Variants in GPHN observed in about 807,000 individuals in gnomAD.
GPHN encodes the protein gephyrin.
GPHN carries 17 observed loss-of-function variants against 95.5 expected under a neutral mutation model. That is an observed-to-expected ratio of 0.18 (90% confidence interval 0.12 to 0.27). The LOEUF (loss-of-function observed/expected upper bound fraction) is 0.27. GPHN is among the 10% of genes least tolerant of loss of function. GPHN has a pLI of 1.00. For synonymous variants in GPHN, 320 were observed against 322.5 expected (o/e 0.99, Z 0.08); for missense variants, 660 against 978.1 (o/e 0.67, Z 4.34).
At chr14:67,697,454 G>A in the GPHN span, among the ~76,000 whole-genome samples, 1 of 152,366 alleles carries the variant, frequency 6.6e-6, no homozygotes, top group African/African-American at 2.4e-5. Flanking sequence ...ACCGTCTAGG[G>A]AGAAGGGAGA....
the GPHN span, among the ~76,000 whole-genome samples, chr14:67,720,315 A>G: frequency 6.6e-6 from 1 of 152,076 alleles, no homozygotes; most frequent in Non-Finnish European, 1.5e-5. Context: ...TGTTATGAAT[A>G]TTTCCCCCCA....
chr14:66,907,735 G>A (rs537876618), intron 5 of GPHN, among the ~76,000 whole-genome samples: 1 of 152,192 alleles, frequency 6.6e-6, no homozygotes. Flanking sequence ...AAAAGCAACT[G>A]CACATAAGCG....
the GPHN span, among the ~76,000 whole-genome samples, chr14:67,535,370 CTTTTTTTTTTTT>C: frequency 1.3e-5 from 1 of 74,192 alleles, no homozygotes; most frequent in Non-Finnish European, 2.4e-5. Flanking sequence ...GTGAGCACAT[CTTTTTTTTTTTT>C]TTTTTTTTTT....
At chr14:66,676,986 G>A (rs2153390610) in intron 1 of GPHN, among the ~76,000 whole-genome samples, 1 of 151,868 alleles carries the variant, frequency 6.6e-6, no homozygotes, top group South Asian at 2.1e-4. Flanking sequence ...ATCTGCTCAG[G>A]TTTTCTATTT....
At chr14:67,369,852 G>C in the GPHN span, among the ~76,000 whole-genome samples, 1 of 152,180 alleles carries the variant, frequency 6.6e-6, no homozygotes, top group African/African-American at 2.4e-5. Context: ...GCTGAGACCA[G>C]CTCTGTTGGG....
chr14:67,347,080 C>T, the GPHN span, among the ~76,000 whole-genome samples: 1 of 152,082 alleles, frequency 6.6e-6, no homozygotes, highest in African/African-American at 2.4e-5. Context: ...ACCTCCCCAG[C>T]TCAAGCAATC....
At chr14:67,625,476 C>T in the GPHN span, among the ~76,000 whole-genome samples, 34,015 of 151,428 alleles carry the variant, frequency 0.22, 4,715 homozygotes, top group East Asian at 0.3. Context: ...GTCAGGAGTT[C>T]GAGACCAGCC....
At chr14:67,729,410 C>G in the GPHN span, 25 of 1,588,584 alleles carry the variant, frequency 1.6e-5, no homozygotes, top group Non-Finnish European at 2.0e-5. Flanking sequence ...TTCTCTCCAC[C>G]ACCTGTGTGC....
downstream of GPHN, among the ~76,000 whole-genome samples, chr14:67,185,918 G>T (rs984744548): frequency 2.6e-5 from 4 of 152,184 alleles, no homozygotes; most frequent in African/African-American, 9.7e-5. Flanking sequence ...TGTATGTCTT[G>T]TATTCCAATG....
chr14:67,474,767 TGAATTTGACTACTCTG>T, the GPHN span, among the ~76,000 whole-genome samples: 2 of 152,188 alleles, frequency 1.3e-5, no homozygotes, highest in African/African-American at 4.8e-5. Flanking sequence ...TCTGTCTCTA[TGAATTTGACTACTCTG>T]GGTGCCTCAT....
intron 5 of GPHN, among the ~76,000 whole-genome samples, chr14:66,899,622 G>T (rs1314070322): frequency 1.3e-5 from 2 of 151,726 alleles, no homozygotes; most frequent in Non-Finnish European, 2.9e-5. Context: ...AAACCCACTT[G>T]GTCCTAGTAT....
chr14:67,580,071 T>C, the GPHN span: 2 of 571,420 alleles, frequency 3.5e-6, no homozygotes, highest in Non-Finnish European at 3.1e-6. Context: ...TGTGTGCCCT[T>C]GTCTCTGGAG....
intron 1 of GPHN, among the ~76,000 whole-genome samples, chr14:66,607,630 A>G (rs943064026): frequency 6.6e-6 from 1 of 151,466 alleles, no homozygotes; most frequent in Non-Finnish European, 1.5e-5. Flanking sequence ...CTTCTAGTCC[A>G]TGGCTTTTTT....
At chr14:67,372,963 TC>T in the GPHN span, among the ~76,000 whole-genome samples, 1 of 152,174 alleles carries the variant, frequency 6.6e-6, no homozygotes, top group Non-Finnish European at 1.5e-5. Flanking sequence ...ATGTTGAACA[TC>T]ATTAGTCATT....
chr14:67,720,192 C>T, the GPHN span, among the ~76,000 whole-genome samples: 8 of 152,286 alleles, frequency 5.3e-5, no homozygotes, highest in East Asian at 1.5e-3. Flanking sequence ...TGAAGAGCCA[C>T]TTGTATTTCC....
Position 66,715,719 on chromosome 14 carries a change from C to T in GPHN, c.143+34534C>T, listed in dbSNP as rs138615802. On this transcript the variant is annotated intron_variant, in intron 2 of 22. Transcript: ENST00000478722. ...GTTCAAATAATTTTTAAATTTCCAT[C>T]TTGATTATATTTTTGACCCAGTGAT... is the stretch of plus-strand genomic sequence containing the variant. Among the ~76,000 whole-genome samples the T allele has an allele frequency of 3.8e-3, 583 of 152,170 alleles. 9 individuals are homozygous for T. Among genetic ancestry groups the T allele is most frequent in the Admixed American group, 0.034 (519 of 15,270 alleles).
At chr14:66,877,364 A>G (rs991793619) in intron 4 of GPHN, among the ~76,000 whole-genome samples, 2 of 152,206 alleles carry the variant, frequency 1.3e-5, no homozygotes, top group African/African-American at 4.8e-5. Context: ...CCTATTCAAC[A>G]TAGTATTGGA....
intron 10 of GPHN, among the ~76,000 whole-genome samples, chr14:67,033,776 T>A (rs2074296598): frequency 1.3e-5 from 2 of 152,108 alleles, no homozygotes; most frequent in Admixed American, 1.3e-4. Flanking sequence ...CACTAAGACA[T>A]GTTATAATGA....
intron 11 of GPHN, among the ~76,000 whole-genome samples, chr14:67,069,244 A>C (rs552556715): frequency 1.3e-5 from 2 of 152,300 alleles, no homozygotes; most frequent in South Asian, 4.1e-4. Flanking sequence ...AACATGCTCT[A>C]TTTGGAATTC....
Sources: allele counts gnomAD v4.1 joint callset (sites outside exome capture counted in the v4.1 genomes callset), GRCh38; gene constraint gnomAD v4.1.1; transcripts MANE v1.5; gene names NCBI Gene and HGNC (gene_info 2026-07-23, HGNC 2026-07-21).